AFF3: variants seen among roughly 807,000 people sequenced by gnomAD.
AFF3 encodes the protein AF4/FMR2 family member 3.
In AFF3, 32 loss-of-function variants were observed where a neutral mutation model predicts 129.7. The ratio of observed to expected loss-of-function variants is 0.25; its 90% CI spans 0.19 to 0.33. The LOEUF is 0.33. Ranked by LOEUF, AFF3 falls within the 10% of genes least tolerant of loss-of-function variation. The pLI is 1.00. For synonymous variants in AFF3, 644 were observed against 635.4 expected (o/e 1.01, Z -0.20); for missense variants, 1,373 against 1,592.0 (o/e 0.86, Z 2.34).
At chr2:99,799,489 G>A (rs992484481) in intron 8 of AFF3, among the ~76,000 whole-genome samples, 1 of 152,048 alleles carries the variant, frequency 6.6e-6, no homozygotes, top group Non-Finnish European at 1.5e-5. Flanking sequence ...CAAATAGAGA[G>A]ACATACCATG....
intron 7 of AFF3, among the ~76,000 whole-genome samples, chr2:99,864,342 T>C (rs1691220113): frequency 6.6e-6 from 1 of 152,198 alleles, no homozygotes; most frequent in South Asian, 2.1e-4. Context: ...CCACCTACTC[T>C]TTTCCTTGAT....
intron 11 of AFF3, among the ~76,000 whole-genome samples, chr2:99,719,581 T>G (rs1305308132): frequency 6.6e-6 from 1 of 152,320 alleles, no homozygotes; most frequent in Admixed American, 6.5e-5. Flanking sequence ...AAAGTTTTCA[T>G]AGAATTTACC....
intron 7 of AFF3, among the ~76,000 whole-genome samples, chr2:99,883,151 G>A (rs1036953752): frequency 1.2e-4 from 18 of 152,116 alleles, no homozygotes; most frequent in African/African-American, 3.6e-4. Flanking sequence ...CCCAGGGAAG[G>A]GATGGTGCCT....
At chr2:99,572,361 A>G (rs1676580125) in intron 18 of AFF3, among the ~76,000 whole-genome samples, 1 of 119,412 alleles carries the variant, frequency 8.4e-6, no homozygotes, top group Non-Finnish European at 1.6e-5. Flanking sequence ...AGCTACCCCC[A>G]TATTTCTTCT....
chr2:99,744,068 T>TCC, intron 10 of AFF3, 36 bp downstream of exon 10: 1 of 1,516,806 alleles, frequency 6.6e-7, no homozygotes, highest in South Asian at 1.2e-5. Flanking sequence ...CACCCCCTGC[T>TCC]CCCCAGATGA....
intron 7 of AFF3, among the ~76,000 whole-genome samples, chr2:99,937,133 C>T (rs1171765913): frequency 3.3e-5 from 5 of 152,020 alleles, no homozygotes; most frequent in East Asian, 3.9e-4. Flanking sequence ...TATAGAATAC[C>T]GGTTGAGCAT....
rs17023181 is a variant in AFF3 at position 99,838,947 on chromosome 2, C to T, written c.874-1423G>A. Among the ~76,000 whole-genome samples the T allele has an allele frequency of 5.8e-3, 880 of 152,208 alleles. 8 individuals carry two copies. Among genetic ancestry groups the T allele is most frequent in the African/African-American group, 0.02 (851 of 41,516 alleles). On this transcript the variant is annotated intron_variant, in intron 7 of 24. Coordinates refer to ENST00000672756, the MANE Select transcript of AFF3 (RefSeq NM_001386135.1). ...CACTCTACCCTTCACTTGAGTTAGG[C>T]GCCAGGCTGAAGGAAGGTATGTGAG...
intron 11 of AFF3, among the ~76,000 whole-genome samples, chr2:99,695,780 C>T (rs1676156476): frequency 1.3e-5 from 2 of 151,902 alleles, no homozygotes; most frequent in Admixed American, 6.6e-5. Flanking sequence ...TCTGAGAACT[C>T]GTGGGCACTT....
intron 1 of AFF3, among the ~76,000 whole-genome samples, chr2:100,140,391 C>A (rs1219686904): frequency 6.6e-6 from 1 of 152,166 alleles, no homozygotes; most frequent in Non-Finnish European, 1.5e-5. Context: ...GTTTCTTAAA[C>A]TCTCTGAAAC....
At chr2:99,586,070 A>G (rs1324174140) in intron 16 of AFF3, among the ~76,000 whole-genome samples, 1 of 152,214 alleles carries the variant, frequency 6.6e-6, no homozygotes, top group Non-Finnish European at 1.5e-5. Flanking sequence ...TTGTGCATAC[A>G]TACGGTTTAT....
At chr2:99,766,475 C>A (rs1683031538) in intron 8 of AFF3, among the ~76,000 whole-genome samples, 1 of 152,228 alleles carries the variant, frequency 6.6e-6, no homozygotes, top group Non-Finnish European at 1.5e-5. Context: ...TGTCTACTAA[C>A]ATGCTCCAGA....
rs548374435 is a variant in AFF3 at position 100,088,002 on chromosome 2, G to T, written c.53+16400C>A. On this transcript the variant is annotated intron_variant, in intron 4 of 24. Coordinates refer to ENST00000672756, the MANE Select transcript of AFF3 (RefSeq NM_001386135.1). ...GTGCTTAAAAACACTCAACAAACTA[G>T]GAACAGCAGGAAACTTCCTTAACCT... is the stretch of plus-strand genomic sequence containing the variant. Among the ~76,000 whole-genome samples the T allele has an allele frequency of 2.0e-5, 3 of 151,068 alleles. No homozygotes were observed. The South Asian group carries it at 6.4e-4, about 32-fold the overall frequency.
At chr2:99,749,740 C>T (rs906382741) in intron 9 of AFF3, among the ~76,000 whole-genome samples, 1 of 152,158 alleles carries the variant, frequency 6.6e-6, no homozygotes, top group Non-Finnish European at 1.5e-5. Flanking sequence ...TGAGGTGTTG[C>T]CTACAAAGCC....
chr2:99,964,984 A>C (rs2104365449), intron 7 of AFF3, among the ~76,000 whole-genome samples: 1 of 152,330 alleles, frequency 6.6e-6, no homozygotes, highest in Middle Eastern at 3.4e-3. Context: ...CTATAATTCA[A>C]CTCAGCCATC....
rs551829524 is a variant in AFF3, at chr2:99,946,566, T to A, written c.873+60066A>T. Among the ~76,000 whole-genome samples the A allele has an allele frequency of 8.1e-5, 12 of 148,092 alleles. No individual in the cohort carries two copies. In the East Asian group the frequency reaches 2.4e-3, roughly 29 times the overall value. ...TGCCGGAGGGTTCAGGATACCCCAC[T>A]GTCTGCAGAATTTCCCCATACCCCC... On this transcript the variant is annotated intron_variant, in intron 7 of 24. Transcript: ENST00000672756.
At chr2:100,024,548 C>T (rs1426908687) in intron 4 of AFF3, among the ~76,000 whole-genome samples, 13 of 151,732 alleles carry the variant, frequency 8.6e-5, no homozygotes, top group Admixed American at 2.6e-4. Context: ...GCGGAGGTTG[C>T]GGTGAGCCAA....
rs776225903 is a variant in AFF3, at chr2:99,593,831, G to C, written c.1830C>G (p.Ala610=). The C allele has an allele frequency of 1.2e-6, 2 of 1,604,616 alleles. No homozygotes were observed. Among genetic ancestry groups the C allele is most frequent in the South Asian group, 2.2e-5 (2 of 90,712 alleles). The change falls in exon 15 of 25, where the codon GCC becomes GCG. Residue 610 remains alanine (A), a synonymous_variant. Transcript: ENST00000672756. The part of the protein sequence containing the change: ...ANCHRPEEPA[A]ADALGTSVVV... ...CCACGCTCGTCCCCAGCGCGTCCGC[G>C]GCCGCGGGCTCCTCGGGCCGGTGGC...
rs1179297518 is a variant in AFF3, at chr2:100,015,005, G to T, written c.54-6073C>A. Reference sequence around the variant, plus strand: ...ATATTTAGTAGAGACAGGGTTTCAGGACGTTAGCCAGGATGGTCTCGATCT... The same window carrying T: ...ATATTTAGTAGAGACAGGGTTTCAGTACGTTAGCCAGGATGGTCTCGATCT... On this transcript the variant is annotated intron_variant, in intron 4 of 24. Coordinates refer to ENST00000672756, the MANE Select transcript of AFF3 (RefSeq NM_001386135.1). 3.4e-5 allele frequency among the ~76,000 whole-genome samples: 5 copies of T among 145,822 alleles called. No homozygotes were observed. In the East Asian group the frequency reaches 1.0e-3, roughly 29 times the overall value.
chr2:99,713,213 A>G (rs1408441169), intron 11 of AFF3, among the ~76,000 whole-genome samples: 2 of 152,170 alleles, frequency 1.3e-5, no homozygotes, highest in African/African-American at 4.8e-5. Context: ...TGAACTGCAC[A>G]CTTGAAAATG....
Sources: allele counts gnomAD v4.1 joint callset (sites outside exome capture counted in the v4.1 genomes callset), GRCh38; gene constraint gnomAD v4.1.1; transcripts MANE v1.5; gene names NCBI Gene and HGNC (gene_info 2026-07-23, HGNC 2026-07-21).